The following XXYLT1 variants were observed in gnomAD, a reference collection of about 807,000 sequenced individuals.
XXYLT1 encodes the protein xyloside xylosyltransferase 1.
A neutral mutation model predicts 28.9 loss-of-function variants in XXYLT1; 20 were observed. That is an observed-to-expected ratio of 0.69 (90% CI 0.49 to 1.00). The LOEUF (loss-of-function observed/expected upper bound fraction) is 1.00. Among genes scored for constraint, XXYLT1 ranks in the 50% least tolerant of loss-of-function variants. The probability of loss-of-function intolerance (pLI) is 0.00; values close to 1 mark genes in which losing one functional copy is unlikely to be tolerated. For synonymous variants in XXYLT1, 257 were observed against 253.8 expected, an observed-to-expected ratio of 1.01 and a Z score of -0.12; for missense variants, 542 against 560.1, an observed-to-expected ratio of 0.97 and a Z score of 0.33.
chr3:195,112,507 CACACACCCA>C (rs1717793996), intron 3 of XXYLT1, among the ~76,000 whole-genome samples: 2 of 28,350 alleles, frequency 7.1e-5, no homozygotes, highest in South Asian at 2.9e-3. Flanking sequence ...CACACACCCA[CACACACCCA>C]CACACACACA....
At chr3:195,235,106 C>G (rs1724479355) in intron 1 of XXYLT1, among the ~76,000 whole-genome samples, 1 of 151,830 alleles carries the variant, frequency 6.6e-6, no homozygotes, top group Non-Finnish European at 1.5e-5. Flanking sequence ...TTTTCTCGCT[C>G]TCTTGCTTTC....
At chr3:195,114,630 G>C (rs533579888) in intron 3 of XXYLT1, among the ~76,000 whole-genome samples, 1 of 152,150 alleles carries the variant, frequency 6.6e-6, no homozygotes, top group Non-Finnish European at 1.5e-5. Context: ...CTCTTTACAC[G>C]TTTAATTACG....
chr3:195,162,754 C>A (rs972938432), intron 2 of XXYLT1, among the ~76,000 whole-genome samples: 3 of 152,180 alleles, frequency 2.0e-5, no homozygotes, highest in African/African-American at 7.2e-5. Context: ...TTATTTTGAA[C>A]TTGGCTGAAA....
chr3:195,141,289 C>T (rs1415837231), intron 3 of XXYLT1, among the ~76,000 whole-genome samples: 1 of 152,220 alleles, frequency 6.6e-6, no homozygotes, highest in Non-Finnish European at 1.5e-5. Flanking sequence ...TAGTCCAACA[C>T]TCCCCTTCCG....
intron 2 of XXYLT1, among the ~76,000 whole-genome samples, chr3:195,208,025 G>C (rs1723147206): frequency 6.6e-6 from 1 of 152,146 alleles, no homozygotes; most frequent in Admixed American, 6.5e-5. Context: ...AGAGTGACAG[G>C]CCATCACTTT....
At chr3:195,208,829 C>A (rs1001187943) in intron 2 of XXYLT1, among the ~76,000 whole-genome samples, 6 of 151,992 alleles carry the variant, frequency 3.9e-5, no homozygotes, top group Non-Finnish European at 8.8e-5. Flanking sequence ...CCAGAGTCCC[C>A]GGGAGGTCAC....
Position 195,150,276 on chromosome 3 carries a change from G to A in XXYLT1, c.785+6173C>T, listed in dbSNP as rs887063253. On this transcript the variant is annotated intron_variant, in intron 3 of 3. Coordinates refer to ENST00000310380, the MANE Select transcript of XXYLT1 (RefSeq NM_152531.5). This position sits in a 1 kb window ranked among gnomAD's most constrained non-coding sequence, Gnocchi z 4.7. ...TGAGCTAAAGAGACTAAGGCTCAGA[G>A]ACGTCAAGAGACTTGCCCAAGGTCA... Among the ~76,000 whole-genome samples the A allele has an allele frequency of 2.6e-5, 4 of 152,168 alleles. No homozygotes were observed. The highest frequency in any genetic ancestry group is 9.7e-5 in the African/African-American group (4 of 41,428).
At chr3:195,161,434 C>T (rs1720864639) in intron 2 of XXYLT1, among the ~76,000 whole-genome samples, 1 of 152,126 alleles carries the variant, frequency 6.6e-6, no homozygotes, top group African/African-American at 2.4e-5. Context: ...CAGATCATCT[C>T]TGTGCAGTGG....
chr3:195,270,835 C>G lies in XXYLT1; in HGVS notation c.224G>C (p.Arg75Pro). 1 of 1,454,144 alleles carries G rather than the reference C, an allele frequency of 6.9e-7. No individual in the cohort carries two copies. Among genetic ancestry groups the G allele is most frequent in the Non-Finnish European group, 9.0e-7 (1 of 1,105,204 alleles). The allele number at this position is 1,454,144 out of a possible 1,614,324, so 90.1% of individuals were successfully genotyped here. A position where few individuals can be genotyped will look rare whatever the true frequency, so the allele number is the denominator to read the frequency against. Residue 75 changes from arginine (R) to proline (P), a missense_variant, in exon 1 of 4, where the codon CGG (arginine) becomes CCG (proline). By Grantham distance (103) the Arg-to-Pro change is moderately radical (BLOSUM62 -2). Transcript: ENST00000310380. ...APSPPALELA[R>P]GSVAPAPGAK... ...GCCGGGGGCTGGCGCCACGGAGCCC[C>G]GCGCTAGCTCCAGCGCGGGCGGCGA...
intron 1 of XXYLT1, 31 bp from the exon 2 acceptor site, chr3:195,226,887 A>G (rs767768821): frequency 2.5e-6 from 4 of 1,608,924 alleles, no homozygotes; most frequent in Admixed American, 1.7e-5. Context: ...ACCAAGGCTC[A>G]GCAAACCAGT....
chr3:195,148,626 A>G lies in XXYLT1; in HGVS notation c.785+7823T>C, dbSNP rs568674454. 5.3e-5 allele frequency among the ~76,000 whole-genome samples: 8 copies of G among 152,342 alleles called. No homozygotes were observed. In the South Asian group the frequency reaches 1.7e-3, roughly 32 times the overall value. On this transcript the variant is annotated intron_variant, in intron 3 of 3. Transcript: ENST00000310380. ...CCTAGTGAACAACGGACCTGAATTTATATCAGCCATAAAGCCTTCCAGACG... is the reference window on the plus strand; with the variant it reads ...CCTAGTGAACAACGGACCTGAATTTGTATCAGCCATAAAGCCTTCCAGACG...
chr3:195,116,002 C>T (rs943229275), intron 3 of XXYLT1, among the ~76,000 whole-genome samples: 7 of 152,076 alleles, frequency 4.6e-5, no homozygotes, highest in Admixed American at 1.3e-4. Context: ...CAAACGGAGT[C>T]GGGCTATCTA....
chr3:195,252,692 C>CCACACACACACACACA (rs774827660), intron 1 of XXYLT1, among the ~76,000 whole-genome samples: 17 of 84,198 alleles, frequency 2.0e-4, no homozygotes, highest in East Asian at 1.8e-3. Context: ...AGAAAAAAAA[C>CCACACACACACACACA]CACACACACA....
chr3:195,251,166 G>T (rs560926993), intron 1 of XXYLT1, among the ~76,000 whole-genome samples: 5 of 152,296 alleles, frequency 3.3e-5, no homozygotes, highest in South Asian at 4.1e-4. Flanking sequence ...CTGCTGCCCC[G>T]CGGGCAGGTC....
intron 3 of XXYLT1, chr3:195,094,812 C>T (rs1716331890): frequency 6.5e-6 from 1 of 153,694 alleles, no homozygotes. Context: ...AGATGCCATT[C>T]TGATTAGCAA....
chr3:195,140,063 G>A (rs1399219462), intron 3 of XXYLT1, among the ~76,000 whole-genome samples: 3 of 152,234 alleles, frequency 2.0e-5, no homozygotes, highest in Non-Finnish European at 2.9e-5. Context: ...GTCACAGGCT[G>A]AGAGGGTGCA....
intron 3 of XXYLT1, among the ~76,000 whole-genome samples, chr3:195,144,085 G>A (rs1719703731): frequency 6.7e-6 from 1 of 148,696 alleles, no homozygotes; most frequent in Non-Finnish European, 1.5e-5. Flanking sequence ...TTAGAGACGG[G>A]GTTTCACTAT....
At chr3:195,081,765 A>G (rs985164048) in intron 3 of XXYLT1, among the ~76,000 whole-genome samples, 2 of 152,256 alleles carry the variant, frequency 1.3e-5, no homozygotes, top group Admixed American at 1.3e-4. Flanking sequence ...AGCGAGCAGC[A>G]GTGCAGATTC....
intron 2 of XXYLT1, among the ~76,000 whole-genome samples, chr3:195,196,154 T>C (rs969034915): frequency 6.6e-6 from 1 of 152,228 alleles, no homozygotes; most frequent in Admixed American, 6.5e-5. Context: ...GCTAGTCACA[T>C]GTGGCTACTG....
Sources: allele counts gnomAD v4.1 joint callset (sites outside exome capture counted in the v4.1 genomes callset), GRCh38; gene constraint gnomAD v4.1.1; non-coding constraint Gnocchi (gnomAD v3.1); transcripts MANE v1.5; gene names NCBI Gene and HGNC (gene_info 2026-07-23, HGNC 2026-07-21).